Variants in ABI3BP observed in about 807,000 individuals in gnomAD.
ABI3BP encodes ABI family member 3 binding protein.
Under a neutral mutation model 268.6 loss-of-function variants are expected in ABI3BP, and 216 were observed. The ratio of observed to expected loss-of-function variants is 0.80; its 90% CI spans 0.72 to 0.90. ABI3BP has a LOEUF of 0.90. Ranked by LOEUF, ABI3BP falls within the 40% of genes least tolerant of loss-of-function variation. The pLI is 0.00. For synonymous variants in ABI3BP, 730 were observed against 730.0 expected, an observed-to-expected ratio of 1.00 and a Z score of 0.00; for missense variants, 2,090 against 2,182.4, an observed-to-expected ratio of 0.96 and a Z score of 0.84.
rs144858122 is a variant in ABI3BP at position 100,961,318 on chromosome 3, A to G, written c.79+31988T>C. 2.6e-5 allele frequency among the ~76,000 whole-genome samples: 4 copies of G among 152,360 alleles called. No individual in the cohort carries two copies. In the East Asian group the frequency reaches 7.7e-4, roughly 29 times the overall value. ...GTTAATAACAAACAGAAAATTAGCAAGAAATGCTCTCTCCCAGGGCTCAGG... is the reference window on the plus strand; with the variant it reads ...GTTAATAACAAACAGAAAATTAGCAGGAAATGCTCTCTCCCAGGGCTCAGG... On this transcript the variant is annotated intron_variant, in intron 1 of 67. Coordinates refer to ENST00000471714, the MANE Select transcript of ABI3BP (RefSeq NM_001375547.2).
chr3:100,846,112 A>G (rs1274793661), intron 20 of ABI3BP, among the ~76,000 whole-genome samples: 2 of 152,202 alleles, frequency 1.3e-5, no homozygotes, highest in Admixed American at 6.5e-5. Flanking sequence ...ATTTTGCAGT[A>G]GTAGACAAGG....
rs979645530 is a variant in ABI3BP, at chr3:100,839,549, G to T, written c.1945+20C>A. 3 of 1,535,526 alleles carry T rather than the reference G, an allele frequency of 2.0e-6. No homozygotes were observed. The African/African-American group carries it at 4.1e-5, about 21-fold the overall frequency. On this transcript the variant is annotated intron_variant, in intron 24 of 67. Coordinates refer to ENST00000471714, the MANE Select transcript of ABI3BP (RefSeq NM_001375547.2). Reference sequence around the variant, plus strand: ...AGCTACAACCCGTGAAAGCAGCCGTGGTGGAGGGAGTAGAATTACCAGTTG... The same window carrying T: ...AGCTACAACCCGTGAAAGCAGCCGTTGTGGAGGGAGTAGAATTACCAGTTG...
chr3:100,947,933 A>C (rs962008334), intron 1 of ABI3BP, among the ~76,000 whole-genome samples: 2 of 152,156 alleles, frequency 1.3e-5, no homozygotes, highest in African/African-American at 4.8e-5. Flanking sequence ...GAGGTAACAC[A>C]TTTAATGAAT....
intron 1 of ABI3BP, among the ~76,000 whole-genome samples, chr3:100,956,354 A>G (rs1336814518): frequency 6.6e-6 from 1 of 151,862 alleles, no homozygotes; most frequent in Non-Finnish European, 1.5e-5. Flanking sequence ...ATATGTCCCC[A>G]TCTCTTGAAA....
chr3:100,805,162 A>G (rs150113314), intron 50 of ABI3BP, among the ~76,000 whole-genome samples: 21 of 152,248 alleles, frequency 1.4e-4, no homozygotes, highest in African/African-American at 4.8e-4. Flanking sequence ...TGACAATGGA[A>G]TGAATGTAAG....
chr3:100,870,151 A>G (rs1343886202), intron 9 of ABI3BP, among the ~76,000 whole-genome samples: 1 of 152,144 alleles, frequency 6.6e-6, no homozygotes, highest in Non-Finnish European at 1.5e-5. Context: ...CCTTCATGGC[A>G]TAAAGGACTG....
At chr3:100,873,223 A>G (rs569192517) in intron 9 of ABI3BP, among the ~76,000 whole-genome samples, 14 of 152,334 alleles carry the variant, frequency 9.2e-5, no homozygotes, top group African/African-American at 3.4e-4. Flanking sequence ...GTGTCTGGAT[A>G]TTTGAAAAAC....
intron 2 of ABI3BP, among the ~76,000 whole-genome samples, chr3:100,923,759 T>C (rs1037938668): frequency 3.3e-5 from 5 of 152,120 alleles, no homozygotes; most frequent in Admixed American, 2.0e-4. Flanking sequence ...TTGGCTAAAA[T>C]AGGGAGAAAG....
At position 100,820,274 on chromosome 3, in the gene ABI3BP, G is replaced by T. The variant is rs754878258; in HGVS notation, c.2977C>A (p.Pro993Thr). 6.5e-7 allele frequency: 1 copy of T among 1,536,194 alleles called. No homozygotes were observed. Among genetic ancestry groups the T allele is most frequent in the South Asian group, 1.2e-5 (1 of 84,024 alleles). The change falls in exon 40 of 68, where the codon CCA becomes ACA. Residue 993 changes from proline (P) to threonine (T), a missense_variant. Physicochemically the swap from Pro to Thr is conservative, Grantham distance 38. Transcript: ENST00000471714. ...GGTGTGGTTTTAGTTTTGGGACGTG[G>T]ACGACGAGTTCGTTGTGATGTTTTA... ...APKTSQRTRR[P>T]RPKTKTTPSP...
Position 100,751,659 on chromosome 3 carries a change from A to G in ABI3BP, c.5138T>C (p.Ile1713Thr). 3 of 1,594,590 alleles carry G rather than the reference A, an allele frequency of 1.9e-6. No homozygotes were observed. Among genetic ancestry groups the G allele is most frequent in the South Asian group, 1.2e-5 (1 of 86,506 alleles). ...SDSLTGKFYN[I>T]GDQRGHGEDH... ...TTCTCCATGGCCCCTCTGATCACCT[A>G]TGTTATAAAATTTTCCTGAAGAACC... Residue 1713 changes from isoleucine to threonine, a missense_variant, in exon 67 of 68, where the codon ATA becomes ACA. Physicochemically the swap from Ile to Thr is moderately conservative, Grantham distance 89. Coordinates refer to ENST00000471714, the MANE Select transcript of ABI3BP (RefSeq NM_001375547.2).
chr3:100,984,115 C>A (rs190865206), intron 1 of ABI3BP, among the ~76,000 whole-genome samples: 55 of 151,072 alleles, frequency 3.6e-4, no homozygotes, highest in African/African-American at 1.3e-3. Context: ...TAGTTCTTAA[C>A]CCTGGCCATA....
chr3:100,903,154 C>T (rs912520992), intron 2 of ABI3BP, among the ~76,000 whole-genome samples: 1 of 152,166 alleles, frequency 6.6e-6, no homozygotes, highest in Admixed American at 6.5e-5. Flanking sequence ...TTATAACGCC[C>T]TTCCTAATTT....
chr3:100,894,966 A>AAAAAAAAAAAAAAAAAAC (rs1561385846), intron 4 of ABI3BP, among the ~76,000 whole-genome samples: 2 of 138,614 alleles, frequency 1.4e-5, no homozygotes, highest in Non-Finnish European at 3.2e-5. Context: ...AAAAAAAAAA[A>AAAAAAAAAAAAAAAAAAC]ACAGAAAAAA....
intron 40 of ABI3BP, 63 bp downstream of exon 40, chr3:100,820,157 C>CA: frequency 7.3e-7 from 1 of 1,361,266 alleles, no homozygotes; most frequent in Admixed American, 2.0e-5. Context: ...CCATCATTGG[C>CA]ATCAGTTATA....
chr3:100,875,003 C>T (rs1190857439), intron 8 of ABI3BP, 70 bp from the exon 9 acceptor site: 27 of 857,186 alleles, frequency 3.1e-5, no homozygotes, highest in Non-Finnish European at 4.6e-5. Context: ...AAGCTCAGCA[C>T]ATCAGATATT....
At chr3:100,971,654 T>C (rs2083637532) in intron 1 of ABI3BP, among the ~76,000 whole-genome samples, 1 of 152,188 alleles carries the variant, frequency 6.6e-6, no homozygotes, top group Admixed American at 6.6e-5. Context: ...CTAGAATTTT[T>C]CCCCTTAACT....
chr3:100,846,794 A>G (rs1186117684), intron 19 of ABI3BP, among the ~76,000 whole-genome samples: 2 of 152,134 alleles, frequency 1.3e-5, no homozygotes, highest in Non-Finnish European at 1.5e-5. Flanking sequence ...ATATTTCTCA[A>G]TCTCATCTAA....
chr3:100,884,161 G>T (rs1380781207), intron 6 of ABI3BP, among the ~76,000 whole-genome samples: 4 of 151,754 alleles, frequency 2.6e-5, no homozygotes, highest in Admixed American at 2.0e-4. Flanking sequence ...TTTTGTTATA[G>T]GTAACCTTGT....
At chr3:100,761,459 G>A (rs897089896) in intron 63 of ABI3BP, among the ~76,000 whole-genome samples, 1 of 152,184 alleles carries the variant, frequency 6.6e-6, no homozygotes, top group Admixed American at 6.5e-5. Flanking sequence ...CACCTTTGGA[G>A]CTGCACCCAT....
Sources: allele counts gnomAD v4.1 joint callset (sites outside exome capture counted in the v4.1 genomes callset), GRCh38; gene constraint gnomAD v4.1.1; transcripts MANE v1.5; gene names NCBI Gene and HGNC (gene_info 2026-07-23, HGNC 2026-07-21).